Variants in FRMD6 observed in about 807,000 individuals in gnomAD.
FRMD6 encodes the protein FERM domain-containing protein 6.
A neutral mutation model predicts 73.2 loss-of-function variants in FRMD6; 37 were observed. The ratio of observed to expected loss-of-function variants is 0.51; its 90% CI spans 0.39 to 0.66. The LOEUF (loss-of-function observed/expected upper bound fraction) is 0.66. Among genes scored for constraint, FRMD6 ranks in the 30% least tolerant of loss-of-function variants. FRMD6 has a pLI of 0.00. For synonymous variants in FRMD6, 273 were observed against 282.2 expected (o/e 0.97, Z 0.33); for missense variants, 714 against 780.5 (o/e 0.91, Z 1.02).
chr14:51,440,962 A>C, the FRMD6 span, among the ~76,000 whole-genome samples: 6 of 152,338 alleles, frequency 3.9e-5, no homozygotes, highest in South Asian at 1.2e-3. Context: ...TCCAAGGGAA[A>C]GTTCTGCAAC....
chr14:51,488,378 G>A (rs1469275647), upstream of FRMD6, among the ~76,000 whole-genome samples: 1 of 152,156 alleles, frequency 6.6e-6, no homozygotes, highest in East Asian at 1.9e-4. Context: ...GAGAGATGGT[G>A]TTCTGTTATT....
intron 2 of FRMD6, among the ~76,000 whole-genome samples, chr14:51,604,346 A>T (rs930478506): frequency 2.6e-5 from 4 of 152,140 alleles, no homozygotes; most frequent in Admixed American, 2.6e-4. Flanking sequence ...ATCGCTTTGG[A>T]GTAAGGCATT....
the FRMD6 span, among the ~76,000 whole-genome samples, chr14:51,453,276 G>T: frequency 6.6e-6 from 1 of 152,038 alleles, no homozygotes. Flanking sequence ...GCTTTGAGTC[G>T]GGGGCTGGCA....
intron 1 of FRMD6, among the ~76,000 whole-genome samples, chr14:51,500,843 G>A (rs186471719): frequency 5.9e-5 from 9 of 152,184 alleles, no homozygotes; most frequent in African/African-American, 2.2e-4. Flanking sequence ...AAGCCCATAC[G>A]GTGAGCAGTA....
chr14:51,593,773 T>C (rs35699932), intron 2 of FRMD6, among the ~76,000 whole-genome samples: 64,204 of 151,932 alleles, frequency 0.42, 13,936 homozygotes, highest in South Asian at 0.52. Flanking sequence ...TACTTTGATA[T>C]AGTAAGTACA....
At chr14:51,469,441 A>G in the FRMD6 span, among the ~76,000 whole-genome samples, 226 of 150,460 alleles carry the variant, frequency 1.5e-3, no homozygotes, top group African/African-American at 4.6e-3. Flanking sequence ...GTGAAACCCC[A>G]TCTCTACTAA....
chr14:51,655,209 G>T (rs145242700), intron 1 of FRMD6, among the ~76,000 whole-genome samples: 2 of 152,162 alleles, frequency 1.3e-5, no homozygotes, highest in Non-Finnish European at 1.5e-5. Context: ...TAAAAAGTCA[G>T]TATGTTTTTA....
chr14:51,405,469 C>T, the FRMD6 span, among the ~76,000 whole-genome samples: 4 of 152,022 alleles, frequency 2.6e-5, no homozygotes, highest in Admixed American at 1.3e-4. Flanking sequence ...GTAAGTTCAC[C>T]AGCATCTGTT....
At chr14:51,543,340 A>G (rs1335755409) in intron 1 of FRMD6, among the ~76,000 whole-genome samples, 2 of 152,026 alleles carry the variant, frequency 1.3e-5, no homozygotes, top group African/African-American at 4.8e-5. Flanking sequence ...TTTTATTAGC[A>G]TAAGTATTTC....
the FRMD6 span, among the ~76,000 whole-genome samples, chr14:51,439,564 A>G: frequency 6.6e-6 from 1 of 152,320 alleles, no homozygotes; most frequent in East Asian, 1.9e-4. Context: ...GCATCAGACT[A>G]TTAGGAAGGC....
chr14:51,540,506 G>A (rs1455737302), intron 1 of FRMD6, among the ~76,000 whole-genome samples: 1 of 152,040 alleles, frequency 6.6e-6, no homozygotes, highest in African/African-American at 2.4e-5. Flanking sequence ...GTCTTCATTG[G>A]CTACCACAAT....
At chr14:51,584,907 G>T (rs1322462600) in intron 2 of FRMD6, among the ~76,000 whole-genome samples, 2 of 152,132 alleles carry the variant, frequency 1.3e-5, no homozygotes, top group Non-Finnish European at 2.9e-5. Flanking sequence ...TTAATTCTTT[G>T]TGGCTCAGTT....
At chr14:51,434,219 A>C in the FRMD6 span, among the ~76,000 whole-genome samples, 3 of 152,206 alleles carry the variant, frequency 2.0e-5, no homozygotes, top group Non-Finnish European at 4.4e-5. Flanking sequence ...GTATATATAC[A>C]TATGTAATAT....
At chr14:51,477,888 T>A in the FRMD6 span, among the ~76,000 whole-genome samples, 4 of 152,194 alleles carry the variant, frequency 2.6e-5, no homozygotes, top group East Asian at 7.7e-4. Context: ...TACAGGCACG[T>A]GCCACCATGC....
intron 1 of FRMD6, among the ~76,000 whole-genome samples, chr14:51,677,430 A>G (rs377693506): frequency 2.0e-5 from 3 of 152,070 alleles, no homozygotes; most frequent in South Asian, 4.1e-4. Flanking sequence ...GAATGAGGGA[A>G]TCAAAGATTT....
At chr14:51,671,591 C>T (rs890109242) in intron 1 of FRMD6, among the ~76,000 whole-genome samples, 1 of 152,234 alleles carries the variant, frequency 6.6e-6, no homozygotes, top group African/African-American at 2.4e-5. Flanking sequence ...GAACCCCTCT[C>T]AAAGCAGCAT....
intron 1 of FRMD6, among the ~76,000 whole-genome samples, chr14:51,664,758 G>A (rs1893455430): frequency 6.6e-6 from 1 of 152,154 alleles, no homozygotes; most frequent in Admixed American, 6.5e-5. Context: ...CATTCTCTTA[G>A]GTACTGCTTT....
chr14:51,721,162 G>A (rs572687280), intron 11 of FRMD6, among the ~76,000 whole-genome samples: 5 of 152,338 alleles, frequency 3.3e-5, no homozygotes, highest in Admixed American at 3.3e-4. Flanking sequence ...GCCTGTGTCA[G>A]TGAGCCTTGC....
chr14:51,535,672 A>G (rs1341177916), intron 1 of FRMD6, among the ~76,000 whole-genome samples: 1 of 152,210 alleles, frequency 6.6e-6, no homozygotes, highest in African/African-American at 2.4e-5. Context: ...ACTATGAGTA[A>G]CGTTGCTATA....
Sources: allele counts gnomAD v4.1 joint callset (sites outside exome capture counted in the v4.1 genomes callset), GRCh38; gene constraint gnomAD v4.1.1; transcripts MANE v1.5; gene names NCBI Gene and HGNC (gene_info 2026-07-23, HGNC 2026-07-21).